VEPH1: variants seen among roughly 807,000 people sequenced by gnomAD.
VEPH1 encodes ventricular zone-expressed PH domain-containing protein homolog 1.
A neutral mutation model predicts 85.2 loss-of-function variants in VEPH1; 80 were observed. The observed-to-expected ratio is 0.94, with a 90% CI of 0.78 to 1.13. The LOEUF (loss-of-function observed/expected upper bound fraction) is 1.13. VEPH1 is among the 50% of genes most tolerant of loss of function. The pLI is 0.00. For synonymous variants in VEPH1, 297 were observed against 348.0 expected (o/e 0.85, Z 1.63); for missense variants, 955 against 980.5 (o/e 0.97, Z 0.35).
intron 4 of VEPH1, chr3:157,443,351 A>G (rs956319008): frequency 2.2e-5 from 4 of 183,296 alleles, no homozygotes; most frequent in African/African-American, 9.5e-5. Context: ...AAGAATAACA[A>G]AATAAGATTT....
chr3:157,402,626 G>A (rs1339486410), intron 6 of VEPH1, among the ~76,000 whole-genome samples: 1 of 152,038 alleles, frequency 6.6e-6, no homozygotes, highest in Non-Finnish European at 1.5e-5. Context: ...ACCTTTATAG[G>A]ATCTATACTG....
rs550420934 is a variant in VEPH1, at chr3:157,388,197, T to A, written c.907-6821A>T. 1.0e-3 allele frequency among the ~76,000 whole-genome samples: 157 copies of A among 152,294 alleles called. 2 individuals carry two copies. Among genetic ancestry groups the A allele is most frequent in the African/African-American group, 3.5e-3 (144 of 41,554 alleles). ...GAGTTTTTTGTTAATGTTCTCTCAA[T>A]GGAACTTTGCCAGAGTGACTCCAGG... On this transcript the variant is annotated intron_variant, in intron 6 of 13. Transcript: ENST00000362010.
intron 11 of VEPH1, among the ~76,000 whole-genome samples, chr3:157,293,641 A>T (rs1577260641): frequency 6.6e-6 from 1 of 152,246 alleles, no homozygotes; most frequent in South Asian, 2.1e-4. Context: ...TGAAAAAATA[A>T]TCTGACTACA....
At chr3:157,273,494 G>A (rs903384084) in intron 12 of VEPH1, among the ~76,000 whole-genome samples, 6 of 152,146 alleles carry the variant, frequency 3.9e-5, no homozygotes, top group African/African-American at 1.4e-4. Flanking sequence ...ACAAGTTGCA[G>A]CTATGAAGGC....
chr3:157,501,157 T>G (rs567450029), intron 1 of VEPH1, among the ~76,000 whole-genome samples: 1 of 152,326 alleles, frequency 6.6e-6, no homozygotes, highest in East Asian at 1.9e-4. Flanking sequence ...TTAGGTTGTT[T>G]CCATTTGAGC....
Position 157,382,447 on chromosome 3 carries a change from G to T in VEPH1, c.907-1071C>A, listed in dbSNP as rs142370344. On this transcript the variant is annotated intron_variant, in intron 6 of 13. Coordinates refer to ENST00000362010, the MANE Select transcript of VEPH1 (RefSeq NM_001167912.2). The stretch of plus-strand genomic sequence containing the variant: ...ATTCAATATTCAAAATTATTGAAAA[G>T]GTTATTTGAAATGTAGATTTGTGCC... Among the ~76,000 whole-genome samples, 1,291 of 152,192 alleles carry T rather than the reference G, an allele frequency of 8.5e-3. 9 individuals are homozygous for T. Among genetic ancestry groups the T allele is most frequent in the Non-Finnish European group, 0.013 (910 of 68,000 alleles).
intron 9 of VEPH1, among the ~76,000 whole-genome samples, chr3:157,350,864 A>C (rs918947227): frequency 1.3e-5 from 2 of 152,226 alleles, no homozygotes; most frequent in African/African-American, 4.8e-5. Flanking sequence ...CAAAAAGAAA[A>C]AAAATAACAA....
intron 4 of VEPH1, among the ~76,000 whole-genome samples, chr3:157,457,796 A>G (rs1440954095): frequency 2.0e-5 from 3 of 152,124 alleles, no homozygotes; most frequent in Middle Eastern, 3.2e-3. Flanking sequence ...TTTTTGCATC[A>G]GTGTTCAAGG....
intron 2 of VEPH1, 74 bp downstream of exon 2, chr3:157,495,138 G>C: frequency 6.9e-7 from 1 of 1,440,884 alleles, no homozygotes. Flanking sequence ...AGATCTTTCT[G>C]CCAGGATATA....
chr3:157,443,393 C>T (rs781016323), intron 4 of VEPH1: 11 of 116,640 alleles, frequency 9.4e-5, no homozygotes, highest in Non-Finnish European at 1.5e-4. Context: ...TTGGTATGTA[C>T]CTTATTACAA....
chr3:157,468,375 C>T (rs1736582594), intron 3 of VEPH1, among the ~76,000 whole-genome samples: 1 of 152,124 alleles, frequency 6.6e-6, no homozygotes, highest in Non-Finnish European at 1.5e-5. Flanking sequence ...GAGTTCAAGG[C>T]CAGGCTGGCC....
intron 9 of VEPH1, among the ~76,000 whole-genome samples, chr3:157,355,035 T>C (rs1725277913): frequency 6.6e-6 from 1 of 152,168 alleles, no homozygotes; most frequent in Admixed American, 6.5e-5. Flanking sequence ...TAGGCTGTGC[T>C]CCTTCTTTCC....
intron 3 of VEPH1, among the ~76,000 whole-genome samples, chr3:157,467,113 G>GTGTGTGTGTA (rs1736445752): frequency 8.5e-6 from 1 of 117,440 alleles, no homozygotes; most frequent in Non-Finnish European, 1.8e-5. Flanking sequence ...AAAGAAAAGT[G>GTGTGTGTGTA]TGTGTGTGTG....
At chr3:157,428,603 G>T in intron 4 of VEPH1, 115 bp from the exon 5 acceptor site, 1 of 935,656 alleles carries the variant, frequency 1.1e-6, no homozygotes. Flanking sequence ...ACAGACTGAT[G>T]GCCAATTCTT....
intron 9 of VEPH1, among the ~76,000 whole-genome samples, chr3:157,355,714 A>T (rs1427851598): frequency 6.6e-6 from 1 of 152,238 alleles, no homozygotes. Flanking sequence ...ACAGGGTTTT[A>T]TATGAGAAAC....
At chr3:157,384,302 C>T (rs1729070995) in intron 6 of VEPH1, among the ~76,000 whole-genome samples, 1 of 152,096 alleles carries the variant, frequency 6.6e-6, no homozygotes, top group Admixed American at 6.5e-5. Context: ...AAACAATTAC[C>T]ATAAATTTAT....
chr3:157,455,309 T>C (rs1258867493), intron 4 of VEPH1, among the ~76,000 whole-genome samples: 3 of 152,188 alleles, frequency 2.0e-5, no homozygotes, highest in Non-Finnish European at 4.4e-5. Flanking sequence ...AGATGGTACC[T>C]CATTGTGATT....
rs545545347 is a variant in VEPH1, at chr3:157,485,033, T to A, written c.138+10179A>T. 2.6e-5 allele frequency among the ~76,000 whole-genome samples: 4 copies of A among 152,300 alleles called. No homozygotes were observed. In the South Asian group the frequency reaches 8.3e-4, roughly 32 times the overall value. Reference sequence around the variant, plus strand: ...AATATCTCAGTAACAAAAACTATATTCTTTTTTAGGTTCCATATAGTGCCC... The same window carrying A: ...AATATCTCAGTAACAAAAACTATATACTTTTTTAGGTTCCATATAGTGCCC... On this transcript the variant is annotated intron_variant, in intron 2 of 13. Coordinates refer to ENST00000362010, the MANE Select transcript of VEPH1 (RefSeq NM_001167912.2).
At chr3:157,353,814 T>C (rs758206373) in intron 9 of VEPH1, among the ~76,000 whole-genome samples, 114 of 152,172 alleles carry the variant, frequency 7.5e-4, no homozygotes, top group Admixed American at 4.8e-3. Flanking sequence ...ACAGCCTCCA[T>C]GGAGGCAAGG....
Sources: allele counts gnomAD v4.1 joint callset (sites outside exome capture counted in the v4.1 genomes callset), GRCh38; gene constraint gnomAD v4.1.1; transcripts MANE v1.5; gene names NCBI Gene and HGNC (gene_info 2026-07-23, HGNC 2026-07-21).